ARHGAP18: variants seen among roughly 807,000 people sequenced by gnomAD.
ARHGAP18 encodes rho GTPase-activating protein 18.
ARHGAP18 carries 67 observed loss-of-function variants against 86.2 expected under a neutral mutation model. The observed-to-expected ratio is 0.78, with a 90% confidence interval of 0.64 to 0.95. ARHGAP18 has a LOEUF of 0.95. ARHGAP18 is among the 40% of genes least tolerant of loss of function. The pLI is 0.00. For synonymous variants in ARHGAP18, 283 were observed against 280.4 expected (o/e 1.01, Z -0.09); for missense variants, 691 against 780.4 (o/e 0.89, Z 1.37).
rs972415026 is a variant in ARHGAP18, at chr6:129,605,963, C to A, written c.1283-4G>T. 2 of 1,612,354 alleles carry A rather than the reference C, an allele frequency of 1.2e-6. No individual in the cohort carries two copies. The highest frequency in any genetic ancestry group is 1.3e-5 in the African/African-American group (1 of 74,858). On this transcript the variant is annotated splice_region_variant and splice_polypyrimidine_tract_variant and intron_variant, in intron 9 of 14. Transcript: ENST00000368149. ...TGCTGCTTCTTGGTTGGAAGATCTG[C>A]AGACAAATTAAATAAATCTGAACTC...
At chr6:129,709,529 G>C (rs1313131178) in intron 1 of ARHGAP18, among the ~76,000 whole-genome samples, 1 of 152,164 alleles carries the variant, frequency 6.6e-6, no homozygotes, top group East Asian at 1.9e-4. Context: ...CCAGTGTCTT[G>C]GGCTTTTTGC....
intron 5 of ARHGAP18, among the ~76,000 whole-genome samples, chr6:129,628,981 A>G (rs1213239709): frequency 6.6e-6 from 1 of 152,196 alleles, no homozygotes; most frequent in Non-Finnish European, 1.5e-5. Context: ...AAGAGGTTAT[A>G]AAATATTAAT....
intron 1 of ARHGAP18, among the ~76,000 whole-genome samples, chr6:129,688,445 A>G (rs1774469649): frequency 6.6e-6 from 1 of 152,248 alleles, no homozygotes; most frequent in African/African-American, 2.4e-5. Context: ...GGGATAGTAC[A>G]TAAAGCACCT....
intron 10 of ARHGAP18, among the ~76,000 whole-genome samples, chr6:129,604,833 C>G (rs12193739): frequency 6.6e-6 from 1 of 152,052 alleles, no homozygotes; most frequent in African/African-American, 2.4e-5. Flanking sequence ...GCGGACGTAG[C>G]GTTTTACCTC....
At chr6:129,611,017 T>A (rs1307237530) in intron 8 of ARHGAP18, among the ~76,000 whole-genome samples, 2 of 152,058 alleles carry the variant, frequency 1.3e-5, no homozygotes, top group African/African-American at 4.8e-5. Context: ...TCCACTCAGC[T>A]TCCTGAGTAG....
At chr6:129,584,549 T>C (rs776528605) in intron 12 of ARHGAP18, among the ~76,000 whole-genome samples, 2 of 152,228 alleles carry the variant, frequency 1.3e-5, no homozygotes, top group African/African-American at 2.4e-5. Flanking sequence ...CTGAATGTTT[T>C]ATAAAAAAGA....
intron 8 of ARHGAP18, among the ~76,000 whole-genome samples, chr6:129,611,028 C>T (rs1033471857): frequency 6.6e-5 from 10 of 152,256 alleles, no homozygotes; most frequent in Admixed American, 1.3e-4. Context: ...TCCTGAGTAG[C>T]TGGAACTCCA....
At chr6:129,702,422 A>C (rs959141969) in intron 1 of ARHGAP18, among the ~76,000 whole-genome samples, 2 of 152,222 alleles carry the variant, frequency 1.3e-5, no homozygotes, top group Non-Finnish European at 2.9e-5. Flanking sequence ...ATCGAAAGAA[A>C]ATAGAAAAGC....
At chr6:129,618,121 A>C (rs919375121) in intron 6 of ARHGAP18, among the ~76,000 whole-genome samples, 2 of 152,140 alleles carry the variant, frequency 1.3e-5, no homozygotes, top group Non-Finnish European at 2.9e-5. Flanking sequence ...AACAAAAAAA[A>C]AAAACCACTC....
At chr6:129,625,393 ATACATATGTAT>A (rs1789374809) in intron 5 of ARHGAP18, among the ~76,000 whole-genome samples, 1 of 52,590 alleles carries the variant, frequency 1.9e-5, no homozygotes, top group African/African-American at 1.1e-4. Context: ...TTATATATTT[ATACATATGTAT>A]TATATATTAT....
At chr6:129,682,148 C>T (rs1376026254) in intron 1 of ARHGAP18, among the ~76,000 whole-genome samples, 1 of 152,250 alleles carries the variant, frequency 6.6e-6, no homozygotes, top group African/African-American at 2.4e-5. Flanking sequence ...CCCCTTCATA[C>T]ATACTGAAGA....
At chr6:129,622,311 T>G (rs1789246412) in intron 5 of ARHGAP18, among the ~76,000 whole-genome samples, 1 of 152,208 alleles carries the variant, frequency 6.6e-6, no homozygotes, top group African/African-American at 2.4e-5. Flanking sequence ...CTTCATTTTC[T>G]GAATGCTGAA....
At chr6:129,630,103 AG>A (rs1269766262) in intron 4 of ARHGAP18, among the ~76,000 whole-genome samples, 1 of 152,226 alleles carries the variant, frequency 6.6e-6, no homozygotes, top group Non-Finnish European at 1.5e-5. Context: ...TACCTGGTAC[AG>A]GAATGGTTGG....
chr6:129,698,030 CAAACTT>C (rs1774648461), intron 1 of ARHGAP18, among the ~76,000 whole-genome samples: 1 of 152,172 alleles, frequency 6.6e-6, no homozygotes, highest in Non-Finnish European at 1.5e-5. Flanking sequence ...TTTTCTTACT[CAAACTT>C]AATCTCAATT....
At chr6:129,609,150 A>G (rs1355677439) in intron 8 of ARHGAP18, among the ~76,000 whole-genome samples, 1 of 152,092 alleles carries the variant, frequency 6.6e-6, no homozygotes, top group African/African-American at 2.4e-5. Flanking sequence ...AGGACAACAG[A>G]GGAAGATCCA....
chr6:129,591,458 A>T, intron 12 of ARHGAP18, among the ~76,000 whole-genome samples: 1 of 152,208 alleles, frequency 6.6e-6, no homozygotes, highest in East Asian at 1.9e-4. Context: ...GGATTTTACA[A>T]CTTCAAGAGT....
intron 10 of ARHGAP18, among the ~76,000 whole-genome samples, chr6:129,601,667 G>T (rs565485970): frequency 4.5e-4 from 67 of 147,614 alleles, no homozygotes; most frequent in Middle Eastern, 3.6e-3. Context: ...TCACTCTGTT[G>T]CCCAGGCTGG....
chr6:129,697,951 C>T (rs554279136), intron 1 of ARHGAP18, among the ~76,000 whole-genome samples: 2 of 152,266 alleles, frequency 1.3e-5, no homozygotes, highest in South Asian at 2.1e-4. Context: ...ATACGTTGAT[C>T]GAGTTACATG....
intron 1 of ARHGAP18, among the ~76,000 whole-genome samples, chr6:129,663,297 G>A (rs1773987086): frequency 6.6e-6 from 1 of 152,170 alleles, no homozygotes; most frequent in African/African-American, 2.4e-5. Context: ...CAAATACACT[G>A]TGATTATCAA....
Sources: gnomAD v4.1 joint callset for allele counts (sites outside exome capture counted in the v4.1 genomes callset) on GRCh38, gnomAD v4.1.1 for gene constraint, MANE v1.5 for transcripts, NCBI Gene and HGNC (gene_info 2026-07-23, HGNC 2026-07-21) for gene names.